Variants in MAU2 observed in about 807,000 individuals in gnomAD.
MAU2 encodes MAU2 sister chromatid cohesion factor.
Under a neutral mutation model 89.1 loss-of-function variants are expected in MAU2, and 9 were observed. The observed-to-expected ratio is 0.10, with a 90% CI of 0.06 to 0.18. The LOEUF (loss-of-function observed/expected upper bound fraction) is 0.18, where lower values mean the gene tolerates loss of function less well. Ranked by LOEUF, MAU2 falls within the 10% of genes least tolerant of loss-of-function variation. The pLI is 1.00. For missense variants in MAU2, 425 were observed against 803.5 expected (o/e 0.53, Z 5.69); for synonymous variants, 357 against 343.4 (o/e 1.04, Z -0.44).
chr19:19,337,005 C>A (rs761503575), intron 3 of MAU2, among the ~76,000 whole-genome samples, 165 bp from the exon 4 acceptor site: 2 of 152,156 alleles, frequency 1.3e-5, no homozygotes, highest in Non-Finnish European at 2.9e-5. Flanking sequence ...AATAAAATAT[C>A]TTTTTTTACT....
Position 19,349,442 on chromosome 19 carries a change from T to A in MAU2, c.1548+6T>A, listed in dbSNP as rs1321916566. ...ATGTGCTGGGAAACCACAGGGTGAGTGCCCTGGCCTGGGCCCCTCGCTTGG... is the reference window on the plus strand; with the variant it reads ...ATGTGCTGGGAAACCACAGGGTGAGAGCCCTGGCCTGGGCCCCTCGCTTGG... On this transcript the variant is annotated splice_donor_region_variant and intron_variant, in intron 16 of 18. Transcript: ENST00000262815. The A allele has an allele frequency of 1.3e-5, 21 of 1,612,508 alleles. No individual in the cohort carries two copies. Among genetic ancestry groups the A allele is most frequent in the Non-Finnish European group, 1.7e-5 (20 of 1,179,140 alleles).
chr19:19,341,207 C>T (rs371580659), intron 6 of MAU2, 45 bp from the exon 7 acceptor site: 47 of 1,577,208 alleles, frequency 3.0e-5, no homozygotes, highest in Non-Finnish European at 3.9e-5. Flanking sequence ...CCTGGGAGGG[C>T]CCCTGCAAGC....
At position 19,347,312 on chromosome 19, in the gene MAU2, C is replaced by T. The variant is rs140873060; in HGVS notation, c.1254C>T (p.Ile418=). 118 of 1,613,792 alleles carry T rather than the reference C, an allele frequency of 7.3e-5. No homozygotes were observed. Among genetic ancestry groups the T allele is most frequent in the Middle Eastern group, 1.6e-4 (1 of 6,084 alleles). The change falls in exon 13 of 19, where the codon ATC becomes ATT. Residue 418 remains isoleucine (I), a synonymous_variant. Coordinates refer to ENST00000262815, the MANE Select transcript of MAU2 (RefSeq NM_015329.4). ...ACCACCAGGAGCTGTGGGCCTTCAT[C>T]GTCACCAACCTGGCGAGTGTGTATA... The part of the protein sequence containing the change: ...LTNHQELWAF[I]VTNLASVYIR...
chr19:19,336,424 C>T (rs2106699), intron 3 of MAU2, among the ~76,000 whole-genome samples: 5,222 of 151,844 alleles, frequency 0.034, 319 homozygotes, highest in African/African-American at 0.12. Context: ...CTCAGCCTCC[C>T]GAGCAGCTGG....
At chr19:19,335,384 T>C (rs1209327051) in intron 1 of MAU2, among the ~76,000 whole-genome samples, 1 of 152,218 alleles carries the variant, frequency 6.6e-6, no homozygotes, top group Non-Finnish European at 1.5e-5. Flanking sequence ...GGGGCCTTGC[T>C]GTGGCCAGGT....
chr19:19,340,421 C>T (rs1334837484), intron 5 of MAU2, among the ~76,000 whole-genome samples: 6 of 151,784 alleles, frequency 4.0e-5, no homozygotes, highest in African/African-American at 9.7e-5. Context: ...GGGTGGATCA[C>T]GAGGTCAGGA....
At chr19:19,326,706 A>ATATATATCTACACATATATATATGTG (rs2061508767) in intron 1 of MAU2, among the ~76,000 whole-genome samples, 1 of 86,984 alleles carries the variant, frequency 1.1e-5, no homozygotes, top group Non-Finnish European at 2.6e-5. Flanking sequence ...ATATATGTAT[A>ATATATATCTACACATATATATATGTG]TATATATATA....
At chr19:19,323,841 A>G (rs1311525510) in intron 1 of MAU2, among the ~76,000 whole-genome samples, 1 of 152,202 alleles carries the variant, frequency 6.6e-6, no homozygotes, top group African/African-American at 2.4e-5. Flanking sequence ...GGGAGGCATT[A>G]TGGGCCCAGA....
chr19:19,331,888 G>A (rs1026094494), intron 1 of MAU2, among the ~76,000 whole-genome samples: 1 of 152,236 alleles, frequency 6.6e-6, no homozygotes, highest in African/African-American at 2.4e-5. Context: ...CTCATGCAGA[G>A]AGATCCAGGT....
chr19:19,325,598 A>G (rs377747346), intron 1 of MAU2, among the ~76,000 whole-genome samples: 2 of 151,170 alleles, frequency 1.3e-5, no homozygotes, highest in African/African-American at 2.4e-5. Context: ...TCCTACCACA[A>G]CCTCCTGAGT....
rs376692676 is a variant in MAU2 at position 19,356,452 on chromosome 19, AACACGGGTGTGCATGTGGATGC to A, written c.*683_*704del. On this transcript the variant is annotated 3_prime_UTR_variant, in exon 19 of 19. Transcript: ENST00000262815. ...CGCCGTGGGGGTGCAGGTGATTGTA[AACACGGGTGTGCATGTGGATGC>A]ACACGGGTGTGCGGTGAAGATCTGT... The A allele has an allele frequency of 0.015, 3,636 of 247,708 alleles. 43 individuals are homozygous for A. The highest frequency in any genetic ancestry group is 0.022 in the Non-Finnish European group (2,744 of 123,330). 15.3% of individuals were successfully genotyped at this position (247,708 alleles called of 1,614,324 possible).
intron 1 of MAU2, among the ~76,000 whole-genome samples, chr19:19,324,119 A>G (rs543589685): frequency 6.6e-6 from 1 of 152,214 alleles, no homozygotes; most frequent in South Asian, 2.1e-4. Context: ...AATGATAAGC[A>G]TATAGTAAGA....
chr19:19,342,444 T>C, intron 7 of MAU2, 91 bp from the exon 8 acceptor site: 1 of 1,444,664 alleles, frequency 6.9e-7, no homozygotes, highest in East Asian at 2.3e-5. Flanking sequence ...AGGCAGATGC[T>C]CCCTAGAGGA....
intron 1 of MAU2, among the ~76,000 whole-genome samples, chr19:19,331,446 G>A (rs2061554667): frequency 6.6e-6 from 1 of 151,446 alleles, no homozygotes. Flanking sequence ...AGCTTGCAGT[G>A]AGCTGAGATC....
intron 1 of MAU2, among the ~76,000 whole-genome samples, chr19:19,322,721 C>T (rs75342291): frequency 6.6e-6 from 1 of 152,000 alleles, no homozygotes; most frequent in African/African-American, 2.4e-5. Context: ...CAGCTCTGTC[C>T]TGCTTGAATA....
At chr19:19,337,395 G>C in intron 4 of MAU2, 130 bp downstream of exon 4, 1 of 672,080 alleles carries the variant, frequency 1.5e-6, no homozygotes, top group Non-Finnish European at 2.7e-6. Flanking sequence ...TGGAGTAGGT[G>C]GGGACATGGG....
chr19:19,323,232 G>C (rs562709554), intron 1 of MAU2, among the ~76,000 whole-genome samples: 1 of 126,938 alleles, frequency 7.9e-6, no homozygotes, highest in Non-Finnish European at 1.6e-5. Flanking sequence ...TTCTCGCTTT[G>C]TCACCAGGCT....
chr19:19,343,999 T>G, intron 10 of MAU2, 59 bp downstream of exon 10: 1 of 1,409,574 alleles, frequency 7.1e-7, no homozygotes, highest in Non-Finnish European at 9.9e-7. Flanking sequence ...CTCAGCAGTG[T>G]CAGACAAGAG....
At chr19:19,334,480 G>C (rs2061580607) in intron 1 of MAU2, 1 of 985,856 alleles carries the variant, frequency 1.0e-6, no homozygotes, top group African/African-American at 1.7e-5. Context: ...CCTTGCCCTA[G>C]AGATCTCCAG....
Sources: allele counts gnomAD v4.1 joint callset (sites outside exome capture counted in the v4.1 genomes callset), GRCh38; gene constraint gnomAD v4.1.1; transcripts MANE v1.5; gene names NCBI Gene and HGNC (gene_info 2026-07-23, HGNC 2026-07-21).